The following ADAMTS17 variants were observed in gnomAD, a reference collection of about 807,000 sequenced individuals.
ADAMTS17 encodes the protein ADAM metallopeptidase with thrombospondin type 1 motif 17.
ADAMTS17 carries 113 observed loss-of-function variants against 141.5 expected under a neutral mutation model. That is an observed-to-expected ratio of 0.80 (90% confidence interval 0.69 to 0.93). The LOEUF is 0.93. Ranked by LOEUF, ADAMTS17 falls within the 40% of genes least tolerant of loss-of-function variation. ADAMTS17 has a pLI of 0.00. For missense variants in ADAMTS17, 1,659 were observed against 1,517.9 expected, an observed-to-expected ratio of 1.09 and a Z score of -1.54; for synonymous variants, 768 against 630.6, an observed-to-expected ratio of 1.22 and a Z score of -3.27.
intron 7 of ADAMTS17, among the ~76,000 whole-genome samples, chr15:100,242,019 A>C (rs2042842838): frequency 6.6e-6 from 1 of 152,088 alleles, no homozygotes; most frequent in South Asian, 2.1e-4. Context: ...GAGGTTAAAA[A>C]CTCAGAGCCA....
rs143312567 is a variant in ADAMTS17 at position 100,090,297 on chromosome 15, A to G, written c.2137+6059T>C. Among the ~76,000 whole-genome samples the G allele has an allele frequency of 5.6e-3, 851 of 152,326 alleles. 7 individuals are homozygous for G. Among genetic ancestry groups the G allele is most frequent in the African/African-American group, 0.017 (716 of 41,564 alleles). On this transcript the variant is annotated intron_variant, in intron 15 of 21. Transcript: ENST00000268070. Reference sequence around the variant, plus strand: ...GGAATCTCCACTCAAACTACCAAACATACCTGCAAACAAGATCCGCTTGTG... The same window carrying G: ...GGAATCTCCACTCAAACTACCAAACGTACCTGCAAACAAGATCCGCTTGTG...
intron 3 of ADAMTS17, among the ~76,000 whole-genome samples, chr15:100,325,897 A>T (rs899616948): frequency 6.6e-6 from 1 of 152,222 alleles, no homozygotes; most frequent in Non-Finnish European, 1.5e-5. Flanking sequence ...CCTGGAACAG[A>T]TCCTTTCCTC....
chr15:100,214,355 G>C (rs939998971), intron 7 of ADAMTS17, among the ~76,000 whole-genome samples: 4 of 152,194 alleles, frequency 2.6e-5, no homozygotes, highest in African/African-American at 9.6e-5. Flanking sequence ...AGGGACAAAA[G>C]AAATGTAAAA....
intron 18 of ADAMTS17, among the ~76,000 whole-genome samples, chr15:100,040,496 G>A (rs569040745): frequency 2.0e-4 from 30 of 152,228 alleles, no homozygotes; most frequent in African/African-American, 7.0e-4. Flanking sequence ...AACATCAAGT[G>A]CTTGATGGTT....
intron 15 of ADAMTS17, among the ~76,000 whole-genome samples, chr15:100,058,877 C>T (rs1236234259): frequency 3.3e-5 from 5 of 151,710 alleles, no homozygotes; most frequent in South Asian, 2.1e-4. Context: ...CTGCGGCTGA[C>T]GGACAAACCC....
At chr15:100,049,387 C>T (rs2031966088) in intron 17 of ADAMTS17, among the ~76,000 whole-genome samples, 1 of 152,210 alleles carries the variant, frequency 6.6e-6, no homozygotes, top group African/African-American at 2.4e-5. Context: ...CAGCCCTCAG[C>T]AGAGTCTGGC....
At chr15:100,268,255 G>C (rs1252209830) in intron 4 of ADAMTS17, among the ~76,000 whole-genome samples, 1 of 152,148 alleles carries the variant, frequency 6.6e-6, no homozygotes, top group Non-Finnish European at 1.5e-5. Context: ...GTGCTGTAAT[G>C]AACATATGCA....
In ADAMTS17 at chr15:100,262,454, G is replaced by T. The variant is rs1166888093; in HGVS notation, c.790-19C>A. 5 of 1,601,812 alleles carry T rather than the reference G, an allele frequency of 3.1e-6. No individual in the cohort carries two copies. The highest frequency in any genetic ancestry group is 1.1e-5 in the South Asian group (1 of 89,424). ...TGTATACCTATCAAGACAGAAAAAA[G>T]AAATAAAGATATAAAGATAAAAAAT... On this transcript the variant is annotated intron_variant, in intron 4 of 21. Transcript: ENST00000268070.
intron 18 of ADAMTS17, among the ~76,000 whole-genome samples, chr15:100,023,379 T>G (rs890941123): frequency 5.9e-5 from 9 of 151,768 alleles, no homozygotes; most frequent in African/African-American, 2.2e-4. Flanking sequence ...TTTTTTTTTT[T>G]GTATTTTTAG....
intron 7 of ADAMTS17, among the ~76,000 whole-genome samples, chr15:100,211,443 T>G (rs2141719115): frequency 6.6e-6 from 1 of 152,250 alleles, no homozygotes; most frequent in South Asian, 2.1e-4. Context: ...GATGAATGAA[T>G]TAAACTCTCA....
intron 18 of ADAMTS17, among the ~76,000 whole-genome samples, chr15:100,021,762 C>T (rs2061410778): frequency 6.6e-6 from 1 of 152,196 alleles, no homozygotes; most frequent in Non-Finnish European, 1.5e-5. Flanking sequence ...GTAAGGGGAA[C>T]AAGCCTTGTC....
rs2060205538 is a variant in ADAMTS17 at position 99,971,619 on chromosome 15, A to G, written c.*2783T>C. The G allele has an allele frequency of 6.6e-6, 1 of 152,242 alleles. No homozygotes were observed. Among genetic ancestry groups the G allele is most frequent in the African/African-American group, 2.4e-5 (1 of 41,462 alleles). The allele number at this position is 152,242 out of a possible 1,614,324, so 9.4% of individuals were successfully genotyped here. Reference sequence around the variant, plus strand: ...GTACAGTATGTAATGCAAGTTAACGAATGGAAAATAGATACATTTGACTCT... The same window carrying G: ...GTACAGTATGTAATGCAAGTTAACGGATGGAAAATAGATACATTTGACTCT... On this transcript the variant is annotated 3_prime_UTR_variant, in exon 22 of 22. Transcript: ENST00000268070.
chr15:100,133,190 G>A (rs1417350975), intron 11 of ADAMTS17, 24 bp downstream of exon 11: 1 of 1,560,920 alleles, frequency 6.4e-7, no homozygotes, highest in Non-Finnish European at 8.7e-7. Flanking sequence ...TGCCTGTTGG[G>A]GGCAGTGGGA....
intron 7 of ADAMTS17, among the ~76,000 whole-genome samples, chr15:100,208,400 G>T (rs1006929694): frequency 6.6e-6 from 1 of 152,224 alleles, no homozygotes; most frequent in Non-Finnish European, 1.5e-5. Context: ...GGGTACCTGT[G>T]CAGAGGGAAG....
chr15:100,213,449 G>T (rs2041871131), intron 7 of ADAMTS17, among the ~76,000 whole-genome samples: 1 of 152,162 alleles, frequency 6.6e-6, no homozygotes, highest in Non-Finnish European at 1.5e-5. Flanking sequence ...TAAGACCAAA[G>T]AAGCATTTAC....
At chr15:100,029,319 C>A (rs750609551) in intron 18 of ADAMTS17, among the ~76,000 whole-genome samples, 1 of 152,194 alleles carries the variant, frequency 6.6e-6, no homozygotes. Flanking sequence ...TAAATTTAAC[C>A]CTGCTCGGTT....
At position 99,997,536 on chromosome 15, in the gene ADAMTS17, T is replaced by C; in HGVS notation, c.2645A>G (p.Gln882Arg). 1 of 1,613,626 alleles carries C rather than the reference T, an allele frequency of 6.2e-7. No individual in the cohort carries two copies. Among genetic ancestry groups the C allele is most frequent in the Non-Finnish European group, 8.5e-7 (1 of 1,180,032 alleles). ...GTACACGCAGGTCACCTCCCGGTGC[T>C]GGAAGCCTTTCTCACAGGTCGCCGA... Reference protein sequence around the residue: ...PCSATCEKGFQHREVTCVYQL... With the variant: ...PCSATCEKGFRHREVTCVYQL... Residue 882 changes from glutamine (Q) to arginine (R), a missense_variant, in exon 19 of 22, where the codon CAG (glutamine) becomes CGG (arginine). Physicochemically the swap from Gln to Arg is conservative, Grantham distance 43. Transcript: ENST00000268070. This position sits in a 1 kb window ranked among gnomAD's most constrained non-coding sequence, Gnocchi z 4.7.
intron 12 of ADAMTS17, among the ~76,000 whole-genome samples, chr15:100,120,184 C>G (rs1410309934): frequency 1.3e-5 from 2 of 152,202 alleles, no homozygotes; most frequent in Non-Finnish European, 2.9e-5. Context: ...AGACAATAAT[C>G]ACACTGGCAA....
intron 3 of ADAMTS17, among the ~76,000 whole-genome samples, chr15:100,291,098 T>G (rs918909055): frequency 6.6e-6 from 1 of 152,204 alleles, no homozygotes; most frequent in East Asian, 1.9e-4. Flanking sequence ...ATTTGCAAAC[T>G]ATGTATCTGA....
Sources: gnomAD v4.1 joint callset for allele counts (sites outside exome capture counted in the v4.1 genomes callset) on GRCh38, gnomAD v4.1.1 for gene constraint, Gnocchi (gnomAD v3.1) non-coding constraint, MANE v1.5 for transcripts, NCBI Gene and HGNC (gene_info 2026-07-23, HGNC 2026-07-21) for gene names.